Variants in ZFHX4 observed in about 807,000 individuals in gnomAD.
ZFHX4 encodes zinc finger homeobox protein 4.
A neutral mutation model predicts 267.6 loss-of-function variants in ZFHX4; 56 were observed. The observed-to-expected ratio is 0.21, with a 90% CI of 0.17 to 0.26. The LOEUF (loss-of-function observed/expected upper bound fraction) is 0.26. ZFHX4 is among the 10% of genes least tolerant of loss of function. The probability of loss-of-function intolerance (pLI) is 1.00; values close to 1 mark genes in which losing one functional copy is unlikely to be tolerated. For missense variants in ZFHX4, 4,332 were observed against 4,420.0 expected (o/e 0.98, Z 0.56); for synonymous variants, 1,778 against 1,665.6 (o/e 1.07, Z -1.64).
At chr8:76,830,293 C>A (rs370960164) in intron 4 of ZFHX4, among the ~76,000 whole-genome samples, 1 of 152,052 alleles carries the variant, frequency 6.6e-6, no homozygotes, top group Non-Finnish European at 1.5e-5. Flanking sequence ...ACCAAATTGA[C>A]AGGATAGAGT....
rs370643614 is a variant in ZFHX4, at chr8:76,851,034, C to T, written c.4113C>T (p.Pro1371=). Residue 1371 remains proline, a synonymous_variant, in exon 10 of 11, where the codon CCC becomes CCT. Transcript: ENST00000651372. ...ATAGCAGTAAGGATGTGAAAATCCC[C>T]GACACACTGCAAGATCAATTAAATG... The part of the protein sequence containing the change: ...NKNSSKDVKI[P]DTLQDQLNEQ... 2.7e-5 allele frequency: 44 copies of T among 1,613,858 alleles called. No homozygotes were observed. Among genetic ancestry groups the T allele is most frequent in the East Asian group, 1.6e-4 (7 of 44,854 alleles).
At chr8:76,722,901 G>T (rs183926810) in intron 3 of ZFHX4, among the ~76,000 whole-genome samples, 3 of 151,916 alleles carry the variant, frequency 2.0e-5, no homozygotes, top group Admixed American at 1.3e-4. Context: ...TTATATCTAG[G>T]ACTTGTCATT....
At chr8:76,837,125 GA>G (rs1260110582) in intron 5 of ZFHX4, among the ~76,000 whole-genome samples, 2 of 152,080 alleles carry the variant, frequency 1.3e-5, no homozygotes, top group Non-Finnish European at 2.9e-5. Context: ...CATGATTCTG[GA>G]TGAGATCGTC....
intron 6 of ZFHX4, among the ~76,000 whole-genome samples, chr8:76,844,913 A>G (rs1812328052): frequency 6.6e-6 from 1 of 152,120 alleles, no homozygotes; most frequent in Admixed American, 6.6e-5. Flanking sequence ...TTAAAATATT[A>G]TTACATGGAT....
intron 3 of ZFHX4, among the ~76,000 whole-genome samples, chr8:76,748,832 T>C (rs1228720963): frequency 1.3e-5 from 2 of 152,200 alleles, no homozygotes; most frequent in African/African-American, 4.8e-5. Flanking sequence ...ATGTTGAACA[T>C]TTTTATCCAC....
chr8:76,703,738 A>AT (rs1027551660), intron 1 of ZFHX4: 154 of 229,276 alleles, frequency 6.7e-4, no homozygotes, highest in Middle Eastern at 3.2e-3. Context: ...TATATTGTGT[A>AT]TTTTTTTGGA....
intron 4 of ZFHX4, among the ~76,000 whole-genome samples, chr8:76,824,658 A>C (rs924344754): frequency 1.3e-5 from 2 of 152,138 alleles, no homozygotes; most frequent in African/African-American, 4.8e-5. Flanking sequence ...CTGCAACCTC[A>C]AACTCCTGGG....
Position 76,856,051 on chromosome 8 carries a change from G to T in ZFHX4, c.9130G>T (p.Asp3044Tyr), listed in dbSNP as rs766334021. The change falls in exon 10 of 11, where the codon GAT (aspartate) becomes TAT (tyrosine). Residue 3044 changes from aspartate (D) to tyrosine (Y), a missense_variant. Physicochemically the swap from Asp to Tyr is radical, Grantham distance 160 (BLOSUM62 -3). This residue lies in a region of ZFHX4 where 1,648 missense variants were observed against 1,625.0 expected (regional missense o/e 1.01). Transcript: ENST00000651372. ...KVRETVGSQL[D>Y]REKDYLAPTT... The stretch of plus-strand genomic sequence containing the variant: ...GAGGGAGACCGTTGGCAGTCAGCTC[G>T]ATCGGGAGAAAGATTACTTGGCTCC... The T allele has an allele frequency of 3.1e-6, 5 of 1,613,964 alleles. No individual in the cohort carries two copies. In the South Asian group the frequency reaches 4.4e-5, roughly 14 times the overall value.
At chr8:76,829,193 TAAAA>T (rs1486971395) in intron 4 of ZFHX4, among the ~76,000 whole-genome samples, 1 of 149,582 alleles carries the variant, frequency 6.7e-6, no homozygotes, top group Non-Finnish European at 1.5e-5. Context: ...TCTAGATTGT[TAAAA>T]AATTAAAATT....
intron 6 of ZFHX4, among the ~76,000 whole-genome samples, chr8:76,848,451 GTAAA>G (rs1429593196): frequency 6.6e-6 from 1 of 152,162 alleles, no homozygotes; most frequent in Non-Finnish European, 1.5e-5. Flanking sequence ...ACAGCAAAGA[GTAAA>G]TCACTAATAG....
rs1290711146 is a variant in ZFHX4 at position 76,704,396 on chromosome 8, C to T, written c.308C>T (p.Ala103Val). 1.9e-6 allele frequency: 3 copies of T among 1,613,878 alleles called. No individual in the cohort carries two copies. Among genetic ancestry groups the T allele is most frequent in the Non-Finnish European group, 2.5e-6 (3 of 1,179,898 alleles). ...TACATGGAACACCACTGCCCTAATG[C>T]CCGCCTTCCTGTCCTGAAGGATGAC... Reference protein sequence around the residue: ...QKYMEHHCPNARLPVLKDDNE... With the variant: ...QKYMEHHCPNVRLPVLKDDNE... Residue 103 changes from alanine to valine, a missense_variant, in exon 2 of 11, where the codon GCC becomes GTC. By Grantham distance (64) the Ala-to-Val change is moderately conservative (BLOSUM62 0). This residue lies in a region of ZFHX4 where 1,195 missense variants were observed against 1,173.6 expected (regional missense o/e 1.02). Transcript: ENST00000651372.
intron 3 of ZFHX4, among the ~76,000 whole-genome samples, chr8:76,730,388 C>T (rs79991600): frequency 0.027 from 4,054 of 152,194 alleles, 200 homozygotes; most frequent in East Asian, 0.24. Flanking sequence ...AAGAGTTTTT[C>T]TTCAACAGTG....
chr8:76,798,902 A>T (rs1223905296), intron 4 of ZFHX4, among the ~76,000 whole-genome samples: 6 of 152,184 alleles, frequency 3.9e-5, no homozygotes, highest in Admixed American at 3.9e-4. Context: ...CAGATAGAGC[A>T]AATGCATTTG....
At chr8:76,814,890 T>G (rs1247805374) in intron 4 of ZFHX4, among the ~76,000 whole-genome samples, 1 of 152,194 alleles carries the variant, frequency 6.6e-6, no homozygotes, top group Non-Finnish European at 1.5e-5. Flanking sequence ...TTTGTGCTTC[T>G]GTTCTTTGAG....
intron 3 of ZFHX4, among the ~76,000 whole-genome samples, chr8:76,723,870 G>A (rs1330557217): frequency 6.6e-6 from 1 of 152,054 alleles, no homozygotes; most frequent in Non-Finnish European, 1.5e-5. Flanking sequence ...AAAGTGACGA[G>A]TTTGAATGGG....
At chr8:76,712,465 C>T (rs942739436) in intron 3 of ZFHX4, among the ~76,000 whole-genome samples, 3 of 151,400 alleles carry the variant, frequency 2.0e-5, no homozygotes, top group African/African-American at 7.3e-5. Context: ...ATTTTCATTT[C>T]AATAGGCCTG....
chr8:76,688,845 C>T (rs995141721), intron 1 of ZFHX4, among the ~76,000 whole-genome samples: 1 of 152,112 alleles, frequency 6.6e-6, no homozygotes, highest in Non-Finnish European at 1.5e-5. Flanking sequence ...CAGATATTAA[C>T]CCAACTTGTT....
At chr8:76,801,007 A>G (rs1811104276) in intron 4 of ZFHX4, among the ~76,000 whole-genome samples, 1 of 152,158 alleles carries the variant, frequency 6.6e-6, no homozygotes, top group South Asian at 2.1e-4. Flanking sequence ...ATTTTAGAAA[A>G]CATTCTTTTA....
Position 76,850,298 on chromosome 8 carries a change from C to G in ZFHX4, c.3900C>G (p.Ala1300=), listed in dbSNP as rs1182134141. 1 of 1,613,244 alleles carries G rather than the reference C, an allele frequency of 6.2e-7. No homozygotes were observed. The highest frequency in any genetic ancestry group is 1.7e-5 in the Admixed American group (1 of 59,952). ...ACAGTATGCTACTGCCAGCAGCTGCCTCTGAGAAATCAGAGCGGGACACAC... is the reference window on the plus strand; with the variant it reads ...ACAGTATGCTACTGCCAGCAGCTGCGTCTGAGAAATCAGAGCGGGACACAC... ...MPNSMLLPAA[A]SEKSERDTPA... The change falls in exon 9 of 11, where the codon GCC becomes GCG. Residue 1300 remains alanine, a synonymous_variant. Transcript: ENST00000651372.
Sources: allele counts gnomAD v4.1 joint callset (sites outside exome capture counted in the v4.1 genomes callset), GRCh38; gene constraint gnomAD v4.1.1; regional missense constraint gnomAD v4.1.1; transcripts MANE v1.5; gene names NCBI Gene and HGNC (gene_info 2026-07-23, HGNC 2026-07-21).